The following DIP2C variants were observed in gnomAD, a reference collection of about 807,000 sequenced individuals.
The protein encoded by DIP2C is DIP2 acetate--CoA ligase C (putative), also known as disco-interacting protein 2 homolog C.
Under a neutral mutation model 192.4 loss-of-function variants are expected in DIP2C, and 33 were observed. The ratio of observed to expected loss-of-function variants is 0.17; its 90% confidence interval spans 0.13 to 0.23. The LOEUF (loss-of-function observed/expected upper bound fraction) is 0.23, where lower values mean the gene tolerates loss of function less well. Ranked by LOEUF, DIP2C falls within the 10% of genes least tolerant of loss-of-function variation. The pLI, the probability that DIP2C is intolerant of heterozygous loss-of-function variation, is 1.00. For synonymous variants in DIP2C, 979 were observed against 864.1 expected, an observed-to-expected ratio of 1.13 and a Z score of -2.33; for missense variants, 1,537 against 2,110.1, an observed-to-expected ratio of 0.73 and a Z score of 5.32.
intron 1 of DIP2C, among the ~76,000 whole-genome samples, chr10:554,291 G>A (rs1011246513): frequency 5.9e-5 from 9 of 152,238 alleles, no homozygotes; most frequent in African/African-American, 2.2e-4. Context: ...GTGGTGAACA[G>A]GACAGAATTT....
At chr10:567,169 C>T (rs546869079) in intron 1 of DIP2C, among the ~76,000 whole-genome samples, 24 of 149,068 alleles carry the variant, frequency 1.6e-4, no homozygotes, top group South Asian at 8.4e-4. Flanking sequence ...GGACAGGCAC[C>T]GGTTTTGGGG....
At chr10:564,899 C>A (rs543605253) in intron 1 of DIP2C, among the ~76,000 whole-genome samples, 11 of 152,328 alleles carry the variant, frequency 7.2e-5, no homozygotes, top group Admixed American at 5.9e-4. Flanking sequence ...CAGTAGAAAT[C>A]TTTCTTCTCT....
At chr10:293,490 A>C (rs1406033464) in intron 32 of DIP2C, among the ~76,000 whole-genome samples, 1 of 152,234 alleles carries the variant, frequency 6.6e-6, no homozygotes, top group Non-Finnish European at 1.5e-5. Context: ...AATACCCAAT[A>C]TAATAAGACC....
intron 1 of DIP2C, among the ~76,000 whole-genome samples, chr10:615,664 TCAC>T (rs2131805156): frequency 6.6e-6 from 1 of 152,090 alleles, no homozygotes; most frequent in Non-Finnish European, 1.5e-5. Context: ...CTTAGCCTCT[TCAC>T]CAGCGCATTT....
At chr10:280,229 G>GTT (rs2132127253) in intron 36 of DIP2C, among the ~76,000 whole-genome samples, 1 of 152,332 alleles carries the variant, frequency 6.6e-6, no homozygotes, top group Non-Finnish European at 1.5e-5. Flanking sequence ...GCAAATGGCA[G>GTT]TAAGTACCAG....
chr10:485,079 C>T (rs962896278), intron 2 of DIP2C: 67 of 1,182,844 alleles, frequency 5.7e-5, no homozygotes, highest in African/African-American at 1.8e-4. Context: ...AGGGCACGAC[C>T]GCCCTCTGCG....
At chr10:517,151 T>A (rs1299352332) in intron 1 of DIP2C, among the ~76,000 whole-genome samples, 1 of 151,956 alleles carries the variant, frequency 6.6e-6, no homozygotes, top group Non-Finnish European at 1.5e-5. Flanking sequence ...CCCTCTCCGC[T>A]CCCATCATAC....
chr10:364,436 G>A lies in DIP2C; in HGVS notation c.2415C>T (p.Asn805=), dbSNP rs768099475. Residue 805 remains asparagine (N), a synonymous_variant, in exon 20 of 37, where the codon AAC becomes AAT. Coordinates refer to ENST00000280886, the MANE Select transcript of DIP2C (RefSeq NM_014974.3). ...GCGCAGTGGCCACGATGTCGTCGGC[G>A]TTGTGCCTGCGCCCGCTGACCACCA... ...GLMVVSGRRH[N]ADDIVATALA... is the part of the protein sequence containing the mutation. 1.5e-4 allele frequency: 245 copies of A among 1,614,076 alleles called. 1 individual carries two copies. In the Middle Eastern group the frequency reaches 1.8e-3, roughly 12 times the overall value.
intron 22 of DIP2C, 46 bp downstream of exon 22, chr10:362,444 C>T: frequency 6.3e-7 from 1 of 1,595,384 alleles, no homozygotes; most frequent in Non-Finnish European, 8.6e-7. Context: ...CGTGCAGCCC[C>T]AAGGGAACTC....
chr10:423,933 ATT>A (rs1966391541), intron 4 of DIP2C, among the ~76,000 whole-genome samples: 1 of 152,106 alleles, frequency 6.6e-6, no homozygotes, highest in Non-Finnish European at 1.5e-5. Context: ...CTCATTATTG[ATT>A]TTTCTATCTG....
intron 18 of DIP2C, among the ~76,000 whole-genome samples, chr10:367,138 C>T (rs1960332703): frequency 6.6e-6 from 1 of 152,240 alleles, no homozygotes; most frequent in Non-Finnish European, 1.5e-5. Context: ...CACATTAAGG[C>T]CGGACGCGGT....
intron 32 of DIP2C, among the ~76,000 whole-genome samples, chr10:290,371 T>C (rs1202702865): frequency 6.6e-6 from 1 of 152,242 alleles, no homozygotes; most frequent in Non-Finnish European, 1.5e-5. Flanking sequence ...AGGAGCCTGG[T>C]AGCATTATGC....
Position 399,202 on chromosome 10 carries a change from G to A in DIP2C, c.1167C>T (p.Pro389=). Residue 389 remains proline, a synonymous_variant, in exon 10 of 37, where the codon CCC becomes CCT. Coordinates refer to ENST00000280886, the MANE Select transcript of DIP2C (RefSeq NM_014974.3). ...RPGDRVALVF[P]NNDPAAFMAA... is the part of the protein sequence containing the mutation. ...CCATGAAGGCAGCCGGATCATTGTT[G>A]GGGAACACCAGTGCCACCTGTGGGA... 6.2e-7 allele frequency: 1 copy of A among 1,614,052 alleles called. No homozygotes were observed. Among genetic ancestry groups the A allele is most frequent in the Non-Finnish European group, 8.5e-7 (1 of 1,180,034 alleles).
chr10:346,541 T>G (rs1460140265), intron 26 of DIP2C, among the ~76,000 whole-genome samples: 27 of 86,332 alleles, frequency 3.1e-4, no homozygotes, highest in South Asian at 3.9e-4. Context: ...AACCCCACAC[T>G]CACCCAACCC....
intron 29 of DIP2C, among the ~76,000 whole-genome samples, chr10:334,435 T>C (rs1413430112): frequency 1.3e-5 from 2 of 152,168 alleles, no homozygotes; most frequent in African/African-American, 4.8e-5. Context: ...TCTTTTGATA[T>C]ACAAAAGTTT....
rs904347171 is a variant in DIP2C, at chr10:539,852, T to A, written c.86-53322A>T. On this transcript the variant is annotated intron_variant, in intron 1 of 36. Transcript: ENST00000280886. ...ACAGCTATATCATAGAATAACAGGA[T>A]AAAGCAGACCTACAATATGCAAAAA... is the stretch of plus-strand genomic sequence containing the variant. 2.0e-5 allele frequency among the ~76,000 whole-genome samples: 3 copies of A among 152,218 alleles called. 1 individual carries two copies. In the South Asian group the frequency reaches 6.2e-4, roughly 31 times the overall value.
chr10:477,996 G>A (rs1330190930), intron 2 of DIP2C, among the ~76,000 whole-genome samples: 2 of 52,490 alleles, frequency 3.8e-5, no homozygotes, highest in East Asian at 1.1e-3. Flanking sequence ...AGAGAAGATA[G>A]AAGAGGAAAA....
rs1186550710 is a variant in DIP2C at position 274,886 on chromosome 10, T to C, written c.*2439A>G. On this transcript the variant is annotated 3_prime_UTR_variant, in exon 37 of 37. Coordinates refer to ENST00000280886, the MANE Select transcript of DIP2C (RefSeq NM_014974.3). Reference sequence around the variant, plus strand: ...TTTTTACAATCTCATGAATGATTTATCTACAGTACAATTTTGAATACAGAA... The same window carrying C: ...TTTTTACAATCTCATGAATGATTTACCTACAGTACAATTTTGAATACAGAA... 2 of 152,260 alleles carry C rather than the reference T, an allele frequency of 1.3e-5. No individual in the cohort carries two copies. The highest frequency in any genetic ancestry group is 3.8e-4 in the East Asian group (2 of 5,202). 9.4% of individuals were successfully genotyped at this position (152,260 alleles called of 1,614,324 possible).
chr10:417,861 C>A lies in DIP2C; in HGVS notation c.739+1204G>T, dbSNP rs1478728187. 2.7e-5 allele frequency among the ~76,000 whole-genome samples: 2 copies of A among 74,912 alleles called. 1 individual carries two copies. The highest frequency in any genetic ancestry group is 1.4e-4 in the African/African-American group (2 of 14,248). The allele number at this position is 74,912 out of a possible 152,430, so 49.1% of individuals were successfully genotyped here. On this transcript the variant is annotated intron_variant, in intron 6 of 36. Coordinates refer to ENST00000280886, the MANE Select transcript of DIP2C (RefSeq NM_014974.3). ...CTGTCCACCTGCACCTGTCAGAGCTCGGACAGGCCTCCCTGTCCACCTGCA... is the reference window on the plus strand; with the variant it reads ...CTGTCCACCTGCACCTGTCAGAGCTAGGACAGGCCTCCCTGTCCACCTGCA...
Sources: allele counts gnomAD v4.1 joint callset (sites outside exome capture counted in the v4.1 genomes callset), GRCh38; gene constraint gnomAD v4.1.1; transcripts MANE v1.5; gene names NCBI Gene and HGNC (gene_info 2026-07-23, HGNC 2026-07-21).